Variants in KCNN2 observed in about 807,000 individuals in gnomAD.
KCNN2 encodes the protein potassium calcium-activated channel subfamily N member 2, also known as small conductance calcium-activated potassium channel protein 2.
KCNN2 carries 24 observed loss-of-function variants against 55.5 expected under a neutral mutation model. The observed-to-expected ratio is 0.43, with a 90% CI of 0.31 to 0.61. The LOEUF is 0.61. Among genes scored for constraint, KCNN2 ranks in the 20% least tolerant of loss-of-function variants. The pLI is 0.08. For missense variants in KCNN2, 754 were observed against 853.6 expected (o/e 0.88, Z 1.45); for synonymous variants, 431 against 336.1 (o/e 1.28, Z -3.09).
intron 3 of KCNN2, among the ~76,000 whole-genome samples, chr5:114,459,450 G>A (rs555575490): frequency 2.6e-5 from 4 of 152,298 alleles, no homozygotes; most frequent in Non-Finnish European, 5.9e-5. Context: ...TTTAAACATT[G>A]TATTAATCAT....
In KCNN2 at chr5:114,496,060, A is replaced by G; in HGVS notation, c.2254A>G (p.Ile752Val). ...CATCAGGCAGCAGCAGAGAGATTTC[A>G]TTGAGGCTCAGATGGAGAGCTACGA... ...QTIRQQQRDFIEAQMESYDKH... is the reference protein window; with the variant it reads ...QTIRQQQRDFVEAQMESYDKH... The change falls in exon 8 of 8, where the codon ATT (isoleucine) becomes GTT (valine). Residue 752 changes from isoleucine to valine, a missense_variant. Around this residue, in one of 4 missense-constraint regions of KCNN2, gnomAD observed 164 missense variants for 156.6 expected, o/e 1.05. Coordinates refer to ENST00000673685, the MANE Select transcript of KCNN2 (RefSeq NM_021614.4). 1 of 1,613,062 alleles carries G rather than the reference A, an allele frequency of 6.2e-7. No homozygotes were observed. The highest frequency in any genetic ancestry group is 8.5e-7 in the Non-Finnish European group (1 of 1,179,074).
chr5:114,456,688 A>C lies in KCNN2; in HGVS notation c.1638-6361A>C, dbSNP rs368544464. Among the ~76,000 whole-genome samples, 6 of 152,354 alleles carry C rather than the reference A, an allele frequency of 3.9e-5. No homozygotes were observed. The South Asian group carries it at 1.2e-3, about 32-fold the overall frequency. On this transcript the variant is annotated intron_variant, in intron 3 of 7. Transcript: ENST00000673685. ...AAGAACATCTGTGATTCAGGGAAGG[A>C]GGTCAAAATAGCAACATTAACAGGA...
chr5:114,468,291 T>A (rs1047200013), intron 4 of KCNN2, among the ~76,000 whole-genome samples: 1 of 152,118 alleles, frequency 6.6e-6, no homozygotes, highest in African/African-American at 2.4e-5. Flanking sequence ...GAATTGATTG[T>A]TTCACATGTT....
chr5:114,252,622 C>A (rs1486806695), intron 2 of KCNN2, among the ~76,000 whole-genome samples: 1 of 152,128 alleles, frequency 6.6e-6, no homozygotes, highest in African/African-American at 2.4e-5. Context: ...CAGAACTAAA[C>A]TGTGAAAATC....
chr5:114,210,179 G>A (rs1753854286), intron 1 of KCNN2, among the ~76,000 whole-genome samples: 1 of 152,176 alleles, frequency 6.6e-6, no homozygotes, highest in Middle Eastern at 3.4e-3. Context: ...GTTCCTAAGG[G>A]CTAGAAGGCT....
At chr5:114,239,691 G>A (rs1209379444) in intron 2 of KCNN2, among the ~76,000 whole-genome samples, 5 of 152,114 alleles carry the variant, frequency 3.3e-5, no homozygotes, top group South Asian at 2.1e-4. Context: ...TTGAAAAGTG[G>A]TTCTTTGCAG....
chr5:114,295,121 G>A (rs1034896028), intron 2 of KCNN2, among the ~76,000 whole-genome samples: 6 of 152,196 alleles, frequency 3.9e-5, no homozygotes, highest in African/African-American at 1.2e-4. Flanking sequence ...CTACTGAGGG[G>A]TGCCTCCCAG....
At chr5:114,265,865 A>G (rs1755199871) in intron 2 of KCNN2, among the ~76,000 whole-genome samples, 1 of 152,098 alleles carries the variant, frequency 6.6e-6, no homozygotes, top group African/African-American at 2.4e-5. Flanking sequence ...TTTGCCAGGC[A>G]CTGGAAAAGA....
chr5:114,123,809 C>G (rs575963349), intron 1 of KCNN2, among the ~76,000 whole-genome samples: 1 of 152,262 alleles, frequency 6.6e-6, no homozygotes, highest in South Asian at 2.1e-4. Context: ...CTCCTACTTC[C>G]TTTTTCAAAT....
At chr5:114,320,409 C>A (rs904989174) in intron 2 of KCNN2, among the ~76,000 whole-genome samples, 1 of 152,016 alleles carries the variant, frequency 6.6e-6, no homozygotes. Flanking sequence ...GTCAGGAGAT[C>A]AAGACCATCC....
chr5:114,343,857 T>C (rs1356316870), intron 2 of KCNN2, among the ~76,000 whole-genome samples: 1 of 152,182 alleles, frequency 6.6e-6, no homozygotes, highest in Non-Finnish European at 1.5e-5. Context: ...CTCTGATGTC[T>C]GATGGGCAGG....
intron 5 of KCNN2, among the ~76,000 whole-genome samples, chr5:114,476,144 G>A (rs1003327394): frequency 6.0e-5 from 9 of 150,620 alleles, no homozygotes; most frequent in South Asian, 2.1e-4. Context: ...CCACTAACTC[G>A]TCATCTAGCA....
intron 3 of KCNN2, among the ~76,000 whole-genome samples, chr5:114,457,562 A>G (rs1351935324): frequency 6.6e-6 from 1 of 152,120 alleles, no homozygotes; most frequent in Non-Finnish European, 1.5e-5. Context: ...TTCACCTGAT[A>G]GTATATACTA....
At chr5:114,256,420 G>A (rs924635104) in intron 2 of KCNN2, among the ~76,000 whole-genome samples, 1 of 152,122 alleles carries the variant, frequency 6.6e-6, no homozygotes, top group African/African-American at 2.4e-5. Flanking sequence ...GGATTGAATG[G>A]TAGCTCTATT....
At chr5:114,452,303 G>A (rs766034998) in intron 3 of KCNN2, among the ~76,000 whole-genome samples, 5 of 152,110 alleles carry the variant, frequency 3.3e-5, no homozygotes, top group Non-Finnish European at 5.9e-5. Flanking sequence ...GTAATTTTAG[G>A]TGTCAGTGAT....
At chr5:114,068,324 T>G (rs533483049) in intron 1 of KCNN2, among the ~76,000 whole-genome samples, 1 of 152,340 alleles carries the variant, frequency 6.6e-6, no homozygotes, top group African/African-American at 2.4e-5. Flanking sequence ...GAAATTCAAC[T>G]TTGAGCTTCT....
At chr5:114,204,254 T>C (rs1236439044) in intron 1 of KCNN2, among the ~76,000 whole-genome samples, 1 of 152,186 alleles carries the variant, frequency 6.6e-6, no homozygotes, top group Non-Finnish European at 1.5e-5. Flanking sequence ...TTGCACTGTT[T>C]ATGTCCACAT....
rs144079841 is a variant in KCNN2, at chr5:114,274,947, A to G, written c.-185+53382A>G. 5.7e-3 allele frequency among the ~76,000 whole-genome samples: 875 copies of G among 152,176 alleles called. 8 individuals are homozygous for G. Among genetic ancestry groups the G allele is most frequent in the African/African-American group, 0.02 (832 of 41,532 alleles). ...AAGGGAATGCTTCCAGTTTTTGCCA[A>G]TTCAGTGATATTGGCTGTTGGTTTG... On this transcript the variant is annotated intron_variant, in intron 2 of 10. Coordinates refer to the KCNN2 transcript ENST00000512097.
At chr5:114,121,898 T>G (rs1444439700) in intron 1 of KCNN2, among the ~76,000 whole-genome samples, 3 of 152,224 alleles carry the variant, frequency 2.0e-5, no homozygotes, top group Non-Finnish European at 4.4e-5. Context: ...CACACTTTAA[T>G]AATGCCAGGA....
Sources: gnomAD v4.1 joint callset for allele counts (sites outside exome capture counted in the v4.1 genomes callset) on GRCh38, gnomAD v4.1.1 for gene constraint, gnomAD v4.1.1 regional missense constraint, MANE v1.5 for transcripts, NCBI Gene and HGNC (gene_info 2026-07-23, HGNC 2026-07-21) for gene names.